The following ATP11A variants were observed in gnomAD, a reference collection of about 807,000 sequenced individuals.
ATP11A encodes phospholipid-transporting ATPase IH.
In ATP11A, 81 loss-of-function variants were observed where a neutral mutation model predicts 154.4. The observed-to-expected ratio is 0.52, with a 90% CI of 0.44 to 0.63. ATP11A has a LOEUF of 0.63. ATP11A is among the 30% of genes least tolerant of loss of function. The probability of loss-of-function intolerance (pLI) is 0.00; values close to 1 mark genes in which losing one functional copy is unlikely to be tolerated. For missense variants in ATP11A, 1,316 were observed against 1,474.3 expected, an observed-to-expected ratio of 0.89 and a Z score of 1.76; for synonymous variants, 623 against 585.9, an observed-to-expected ratio of 1.06 and a Z score of -0.91.
At position 112,753,800 on chromosome 13, in the gene ATP11A, G is replaced by A; in HGVS notation, c.40-31335G>A. ...GGAGACAGTGATTCCCAGGCCAAGA[G>A]ACACATAAATTATTTAACTGCAGTC... On this transcript the variant is annotated intron_variant, in intron 1 of 29. Transcript: ENST00000375645. This position sits in a 1 kb window ranked among gnomAD's most constrained non-coding sequence, Gnocchi z 4.1. Among the ~76,000 whole-genome samples, 1 of 152,138 alleles carries A rather than the reference G, an allele frequency of 6.6e-6. No individual in the cohort carries two copies. The highest frequency in any genetic ancestry group is 1.9e-4 in the East Asian group (1 of 5,198).
Position 112,831,406 on chromosome 13 carries a change from C to T in ATP11A, c.1253C>T (p.Thr418Ile), listed in dbSNP as rs2079080062. ...VEYIFTDKTG[T>I]LTENNMEFKE... ...TACATCTTCACAGACAAGACCGGCA[C>T]CCTCACGGAAAACAACATGGAGTTC... The change falls in exon 13 of 30, where the codon ACC becomes ATC. Residue 418 changes from threonine to isoleucine, a missense_variant. Transcript: ENST00000375645. The T allele has an allele frequency of 6.2e-7, 1 of 1,614,048 alleles. No individual in the cohort carries two copies. The highest frequency in any genetic ancestry group is 8.5e-7 in the Non-Finnish European group (1 of 1,180,024).
intron 5 of ATP11A, among the ~76,000 whole-genome samples, chr13:112,812,971 G>C (rs2078544009): frequency 6.6e-6 from 1 of 152,152 alleles, no homozygotes; most frequent in Non-Finnish European, 1.5e-5. Flanking sequence ...TTAAAAAATA[G>C]ACCTAAACAG....
chr13:112,748,077 C>T (rs963158120), intron 1 of ATP11A, among the ~76,000 whole-genome samples: 1 of 152,212 alleles, frequency 6.6e-6, no homozygotes, highest in Non-Finnish European at 1.5e-5. Context: ...TATAAAATTA[C>T]CATCAGGCTG....
At chr13:112,773,964 A>ACT (rs2077287046) in intron 1 of ATP11A, among the ~76,000 whole-genome samples, 1 of 151,718 alleles carries the variant, frequency 6.6e-6, no homozygotes, top group Admixed American at 6.6e-5. Context: ...TCCCGGAGGA[A>ACT]CTCACAGAGC....
At chr13:112,774,077 G>A (rs953856846) in intron 1 of ATP11A, among the ~76,000 whole-genome samples, 4 of 152,240 alleles carry the variant, frequency 2.6e-5, no homozygotes, top group Non-Finnish European at 4.4e-5. Context: ...CCTGTGTCTG[G>A]CGGAGAGAGA....
intron 16 of ATP11A, among the ~76,000 whole-genome samples, chr13:112,837,689 G>GACTCCA (rs2079275532): frequency 1.3e-5 from 2 of 151,990 alleles, no homozygotes; most frequent in Admixed American, 1.3e-4. Flanking sequence ...GAACCAGACA[G>GACTCCA]GCTGGAGAGC....
chr13:112,850,604 T>TA (rs2079737009), intron 17 of ATP11A, among the ~76,000 whole-genome samples: 1 of 152,082 alleles, frequency 6.6e-6, no homozygotes, highest in African/African-American at 2.4e-5. Flanking sequence ...ACTTCCCACA[T>TA]AAAACATGTT....
chr13:112,880,846 G>T lies in ATP11A; in HGVS notation c.*10-1030G>T, dbSNP rs1431504323. On this transcript the variant is annotated intron_variant, in intron 29 of 29. Transcript: ENST00000375645. The stretch of plus-strand genomic sequence containing the variant: ...GGCAAGCTGACCACACATGGAACAT[G>T]CTGTGCACACACACGTGTGCACACT... The T allele has an allele frequency of 8.9e-6, 10 of 1,122,240 alleles. No homozygotes were observed. The East Asian group carries it at 2.8e-4, about 32-fold the overall frequency. 69.5% of individuals were successfully genotyped at this position (1,122,240 alleles called of 1,614,324 possible). A position where few individuals can be genotyped will look rare whatever the true frequency, so the allele number is the denominator to read the frequency against.
rs1481705807 is a variant in ATP11A, at chr13:112,831,524, C to T, written c.1371C>T (p.Asp457=). 3 of 1,614,184 alleles carry T rather than the reference C, an allele frequency of 1.9e-6. No individual in the cohort carries two copies. The highest frequency in any genetic ancestry group is 2.5e-6 in the Non-Finnish European group (3 of 1,180,014). Residue 457 remains aspartate, a synonymous_variant, in exon 13 of 30, where the codon GAC becomes GAT. Transcript: ENST00000375645. ...LPESSGIDMI[D]SSPSVNGRER... ...AGTCGTCAGGAATCGACATGATTGACTCGTCCCCCAGCGTCAACGGGAGGG... is the reference window on the plus strand; with the variant it reads ...AGTCGTCAGGAATCGACATGATTGATTCGTCCCCCAGCGTCAACGGGAGGG...
rs71446642 is a variant in ATP11A, at chr13:112,787,456, T to C, written c.162+2199T>C. Among the ~76,000 whole-genome samples, 714 of 96,336 alleles carry C rather than the reference T, an allele frequency of 7.4e-3. 30 individuals are homozygous for C. Among genetic ancestry groups the C allele is most frequent in the East Asian group, 0.035 (106 of 3,056 alleles). The allele number at this position is 96,336 out of a possible 152,430, so 63.2% of individuals were successfully genotyped here. ...TTAATTCACACCGGGTGTCCTGATGTGTAGACCCCTGTGGATACCTACTTA... is the reference window on the plus strand; with the variant it reads ...TTAATTCACACCGGGTGTCCTGATGCGTAGACCCCTGTGGATACCTACTTA... On this transcript the variant is annotated intron_variant, in intron 2 of 29. Coordinates refer to ENST00000375645, the MANE Select transcript of ATP11A (RefSeq NM_015205.3).
At chr13:112,719,804 G>A (rs1010311646) in intron 1 of ATP11A, among the ~76,000 whole-genome samples, 20 of 152,160 alleles carry the variant, frequency 1.3e-4, no homozygotes, top group African/African-American at 4.8e-4. Flanking sequence ...TTTTGGTGAC[G>A]TGGCATTGAG....
At chr13:112,707,393 C>T (rs948807967) in intron 1 of ATP11A, among the ~76,000 whole-genome samples, 10 of 121,108 alleles carry the variant, frequency 8.3e-5, no homozygotes, top group African/African-American at 3.2e-4. Flanking sequence ...CCAGCCTGGG[C>T]AATAAGAGTG....
In ATP11A at chr13:112,725,693, G is replaced by C. The variant is rs559448905; in HGVS notation, c.39+35238G>C. 5.2e-5 allele frequency among the ~76,000 whole-genome samples: 8 copies of C among 152,382 alleles called. No individual in the cohort carries two copies. In the East Asian group the frequency reaches 1.2e-3, roughly 22 times the overall value. On this transcript the variant is annotated intron_variant, in intron 1 of 29. Transcript: ENST00000375645. The stretch of plus-strand genomic sequence containing the variant: ...CCCAGCCAGTGAGTGTGTGGCTACA[G>C]CTGTGGCTGCAAAGTCCCCATCCCT...
chr13:112,834,686 G>T lies in ATP11A; in HGVS notation c.1631+26G>T, dbSNP rs1243012232. 1.0e-5 allele frequency: 16 copies of T among 1,551,240 alleles called. 1 individual carries two copies. Among genetic ancestry groups the T allele is most frequent in the Middle Eastern group, 3.4e-4 (2 of 5,964 alleles). ...GTATGTGCAGACCTCACCCTCAGAT[G>T]TGAAAGGACTAACGAATAAAGAGTG... On this transcript the variant is annotated intron_variant, in intron 15 of 29. Transcript: ENST00000375645.
intron 1 of ATP11A, among the ~76,000 whole-genome samples, chr13:112,716,755 C>T (rs1015799393): frequency 1.3e-5 from 2 of 152,210 alleles, no homozygotes; most frequent in African/African-American, 2.4e-5. Context: ...GACTTGGGGG[C>T]TCTGCGTGAG....
chr13:112,817,085 A>G (rs2078666309), intron 6 of ATP11A, among the ~76,000 whole-genome samples: 1 of 152,250 alleles, frequency 6.6e-6, no homozygotes, highest in African/African-American at 2.4e-5. Flanking sequence ...AAGAATTTTA[A>G]TTGTCAATCA....
intron 1 of ATP11A, among the ~76,000 whole-genome samples, chr13:112,756,871 G>A (rs2076851692): frequency 6.7e-6 from 1 of 148,594 alleles, no homozygotes; most frequent in Non-Finnish European, 1.5e-5. Context: ...CCCAGCACGT[G>A]GTCTGCTCCC....
chr13:112,863,710 C>G (rs1255054352), intron 25 of ATP11A, among the ~76,000 whole-genome samples: 1 of 125,574 alleles, frequency 8.0e-6, no homozygotes, highest in Non-Finnish European at 1.7e-5. Flanking sequence ...GCGCAGCTTC[C>G]CAGCGGGGTC....
chr13:112,822,380 C>G (rs1242624322), intron 8 of ATP11A, among the ~76,000 whole-genome samples: 1 of 152,182 alleles, frequency 6.6e-6, no homozygotes, highest in Non-Finnish European at 1.5e-5. Context: ...CTTGTTCTTC[C>G]ATGTGTGAGA....
Sources: allele counts gnomAD v4.1 joint callset (sites outside exome capture counted in the v4.1 genomes callset), GRCh38; gene constraint gnomAD v4.1.1; non-coding constraint Gnocchi (gnomAD v3.1); transcripts MANE v1.5; gene names NCBI Gene and HGNC (gene_info 2026-07-23, HGNC 2026-07-21).